Variants in RDX observed in about 807,000 individuals in gnomAD.
RDX encodes the protein radixin.
In RDX, 32 loss-of-function variants were observed where a neutral mutation model predicts 83.7. That is an observed-to-expected ratio of 0.38 (90% CI 0.29 to 0.51). RDX has a LOEUF of 0.51. Among genes scored for constraint, RDX ranks in the 20% least tolerant of loss-of-function variants. RDX has a pLI of 0.87. For synonymous variants in RDX, 229 were observed against 222.7 expected, an observed-to-expected ratio of 1.03 and a Z score of -0.25; for missense variants, 600 against 689.9, an observed-to-expected ratio of 0.87 and a Z score of 1.46.
At chr11:110,220,602 G>A (rs191904576) in intron 14 of RDX, among the ~76,000 whole-genome samples, 11 of 152,210 alleles carry the variant, frequency 7.2e-5, no homozygotes, top group Admixed American at 3.9e-4. Context: ...GGGTTCAAGC[G>A]ATTCTCCTGC....
intron 13 of RDX, among the ~76,000 whole-genome samples, chr11:110,232,854 G>C (rs931379279): frequency 1.3e-5 from 2 of 152,126 alleles, no homozygotes; most frequent in African/African-American, 2.4e-5. Context: ...GCCTCAGGCA[G>C]TCCACCTGCC....
intron 7 of RDX, 61 bp downstream of exon 7, chr11:110,257,706 A>G: frequency 6.4e-7 from 1 of 1,555,786 alleles, no homozygotes; most frequent in Non-Finnish European, 8.9e-7. Context: ...ACAGGACATA[A>G]GATTAACGTC....
chr11:110,258,788 T>C (rs1859665638), intron 5 of RDX, among the ~76,000 whole-genome samples: 4 of 151,950 alleles, frequency 2.6e-5, no homozygotes, highest in Admixed American at 2.6e-4. Context: ...TGAAAAGTCA[T>C]ACTCCAGTCC....
Position 110,274,381 on chromosome 11 carries a change from T to C in RDX, c.13-1762A>G, listed in dbSNP as rs1860428186. ...TCTAACGTAAATATATGTATCTGTTTGTAAAATAGCTTCATTTTTCTTGAT... is the reference window on the plus strand; with the variant it reads ...TCTAACGTAAATATATGTATCTGTTCGTAAAATAGCTTCATTTTTCTTGAT... On this transcript the variant is annotated intron_variant, in intron 2 of 13. Coordinates refer to ENST00000645495, the MANE Select transcript of RDX (RefSeq NM_002906.4). Among the ~76,000 whole-genome samples the C allele has an allele frequency of 2.0e-5, 3 of 152,224 alleles. No homozygotes were observed. The South Asian group carries it at 6.2e-4, about 32-fold the overall frequency.
At chr11:110,220,994 C>A (rs2134276007) in intron 14 of RDX, among the ~76,000 whole-genome samples, 1 of 151,882 alleles carries the variant, frequency 6.6e-6, no homozygotes, top group African/African-American at 2.4e-5. Flanking sequence ...TGACTCCTGA[C>A]AGTTTCTAAG....
chr11:110,265,109 G>GTTTTT (rs71053876), intron 3 of RDX, among the ~76,000 whole-genome samples: 68 of 90,690 alleles, frequency 7.5e-4, no homozygotes, highest in East Asian at 1.3e-3. Flanking sequence ...TTTTTTTTTT[G>GTTTTT]TTTTTTTTTT....
At chr11:110,244,778 A>G (rs535919414) in intron 10 of RDX, among the ~76,000 whole-genome samples, 1 of 152,154 alleles carries the variant, frequency 6.6e-6, no homozygotes, top group Non-Finnish European at 1.5e-5. Context: ...ACTAATCTCT[A>G]TATGATGGTA....
At chr11:110,179,864 C>T in intron 15 of RDX, 1 of 432,608 alleles carries the variant, frequency 2.3e-6, no homozygotes. Flanking sequence ...CCCTGCAGTG[C>T]TCTGGACTTT....
At chr11:110,258,260 G>C (rs1859632246) in intron 5 of RDX, 71 bp from the exon 6 acceptor site, 5 of 1,008,388 alleles carry the variant, frequency 5.0e-6, no homozygotes, top group Non-Finnish European at 7.4e-6. Flanking sequence ...TAAAAGTAAA[G>C]AATCCTTTCA....
Position 110,236,195 on chromosome 11 carries a change from A to G in RDX, c.1252-4T>C. On this transcript the variant is annotated splice_polypyrimidine_tract_variant and splice_region_variant and intron_variant, in intron 11 of 13. Coordinates refer to ENST00000645495, the MANE Select transcript of RDX (RefSeq NM_002906.4). ...TGAATTCAGCAAGTTCTGCTGCCTA[A>G]AGTAAACAATATAATTCCAAAATTA... 1 of 1,605,964 alleles carries G rather than the reference A, an allele frequency of 6.2e-7. No homozygotes were observed. The highest frequency in any genetic ancestry group is 8.5e-7 in the Non-Finnish European group (1 of 1,173,268).
chr11:110,279,663 G>T lies in RDX; in HGVS notation c.12+18C>A. 1 of 1,483,044 alleles carries T rather than the reference G, an allele frequency of 6.7e-7. No individual in the cohort carries two copies. The highest frequency in any genetic ancestry group is 9.4e-7 in the Non-Finnish European group (1 of 1,064,304). The allele number at this position is 1,483,044 out of a possible 1,614,324, so 91.9% of individuals were successfully genotyped here. A position where few individuals can be genotyped will look rare whatever the true frequency, so the allele number is the denominator to read the frequency against. ...TCTTATTATTGAGACACTGTCAAATGTAATAAAATACACTTACTGGTTTCG... is the reference window on the plus strand; with the variant it reads ...TCTTATTATTGAGACACTGTCAAATTTAATAAAATACACTTACTGGTTTCG... On this transcript the variant is annotated intron_variant, in intron 2 of 13. Transcript: ENST00000645495.
chr11:110,189,243 TAAAAAAAAAAAA>T (rs35450797), intron 15 of RDX, among the ~76,000 whole-genome samples: 1 of 35,590 alleles, frequency 2.8e-5, no homozygotes, highest in Admixed American at 3.6e-4. Context: ...GAACAACAGG[TAAAAAAAAAAAA>T]AAAAAAAAAA....
In RDX at chr11:110,231,103, T is replaced by C. The variant is rs1262141123; in HGVS notation, c.*766A>G. 6.6e-6 allele frequency: 1 copy of C among 152,596 alleles called. No individual in the cohort carries two copies. The highest frequency in any genetic ancestry group is 1.5e-5 in the Non-Finnish European group (1 of 68,044). 9.5% of individuals were successfully genotyped at this position (152,596 alleles called of 1,614,324 possible). On this transcript the variant is annotated 3_prime_UTR_variant, in exon 14 of 14. Transcript: ENST00000645495. ...TCAGTAAACTCTCCTAGGGAGCTAC[T>C]ACTGCTGTCTAAACCTCTGTGAAAT...
chr11:110,290,682 G>A (rs1041176685), intron 1 of RDX, among the ~76,000 whole-genome samples: 9 of 152,082 alleles, frequency 5.9e-5, no homozygotes, highest in South Asian at 2.1e-4. Flanking sequence ...AGCAGTGGTC[G>A]GCAAACTTTT....
At chr11:110,213,286 T>C in intron 14 of RDX, among the ~76,000 whole-genome samples, 1 of 129,820 alleles carries the variant, frequency 7.7e-6, no homozygotes, top group Non-Finnish European at 1.6e-5. Context: ...TTACAAGGGA[T>C]GTGAAGGACC....
chr11:110,201,470 G>A (rs1330388880), intron 14 of RDX, among the ~76,000 whole-genome samples: 1 of 152,108 alleles, frequency 6.6e-6, no homozygotes, highest in African/African-American at 2.4e-5. Flanking sequence ...TCCCTAACAG[G>A]GAAAGAAAGG....
chr11:110,243,800 C>T (rs1280838674), intron 10 of RDX, among the ~76,000 whole-genome samples: 1 of 152,008 alleles, frequency 6.6e-6, no homozygotes, highest in Non-Finnish European at 1.5e-5. Context: ...TAGAGATATG[C>T]AATAAAAACT....
chr11:110,186,252 C>T (rs1206856342), intron 15 of RDX, among the ~76,000 whole-genome samples: 2 of 152,172 alleles, frequency 1.3e-5, no homozygotes, highest in Non-Finnish European at 2.9e-5. Flanking sequence ...TAAACACACA[C>T]TGCAGTCTTT....
At chr11:110,189,913 A>G (rs930484146) in intron 15 of RDX, among the ~76,000 whole-genome samples, 7 of 151,808 alleles carry the variant, frequency 4.6e-5, no homozygotes, top group African/African-American at 1.7e-4. Context: ...GAGAAACCCC[A>G]TCTCTACTAA....
Sources: allele counts gnomAD v4.1 joint callset (sites outside exome capture counted in the v4.1 genomes callset), GRCh38; gene constraint gnomAD v4.1.1; transcripts MANE v1.5; gene names NCBI Gene and HGNC (gene_info 2026-07-23, HGNC 2026-07-21).